The following REC114 variants were observed in gnomAD, a reference collection of about 807,000 sequenced individuals.
REC114 encodes meiotic recombination protein REC114.
A neutral mutation model predicts 31.3 loss-of-function variants in REC114; 27 were observed. The ratio of observed to expected loss-of-function variants is 0.86; its 90% confidence interval spans 0.64 to 1.19. The LOEUF is 1.19. Among genes scored for constraint, REC114 ranks in the 50% most tolerant of loss-of-function variants. REC114 has a pLI of 0.00. For synonymous variants in REC114, 134 were observed against 127.7 expected, an observed-to-expected ratio of 1.05 and a Z score of -0.33; for missense variants, 344 against 326.9, an observed-to-expected ratio of 1.05 and a Z score of -0.40.
chr15:73,519,129 C>A (rs1893902305), intron 2 of REC114, among the ~76,000 whole-genome samples: 1 of 152,104 alleles, frequency 6.6e-6, no homozygotes. Context: ...TGTTTGTGTC[C>A]CCCTAAAATT....
At position 73,552,067 on chromosome 15, in the gene REC114, C is replaced by T. The variant is rs142411358; in HGVS notation, c.546+917C>T. ...GATGCCTGAATGCCACAAAATTATA[C>T]GTGGATAAAGAGCTATTCAAAAGTG... On this transcript the variant is annotated intron_variant, in intron 4 of 5. Coordinates refer to ENST00000331090, the MANE Select transcript of REC114 (RefSeq NM_001042367.2). Among the ~76,000 whole-genome samples the T allele has an allele frequency of 7.3e-3, 1,110 of 152,224 alleles. 40 individuals carry two copies. The highest frequency in any genetic ancestry group is 0.065 in the Admixed American group (999 of 15,296).
At chr15:73,529,143 AT>A (rs202242039) in intron 2 of REC114, among the ~76,000 whole-genome samples, 45 of 146,156 alleles carry the variant, frequency 3.1e-4, no homozygotes, top group Non-Finnish European at 3.2e-4. Context: ...TATTTATTTT[AT>A]TTTTTTTTTT....
intron 1 of REC114, among the ~76,000 whole-genome samples, chr15:73,461,782 T>C (rs1296234039): frequency 6.6e-6 from 1 of 152,136 alleles, no homozygotes; most frequent in African/African-American, 2.4e-5. Context: ...TTGATGTCAA[T>C]GTTAAGCTAC....
At chr15:73,448,797 T>G (rs1892802847) in intron 1 of REC114, among the ~76,000 whole-genome samples, 1 of 151,720 alleles carries the variant, frequency 6.6e-6, no homozygotes, top group Non-Finnish European at 1.5e-5. Context: ...GCTTCCAGAG[T>G]AAGGAACAGG....
At chr15:73,557,749 G>A (rs751922840) in intron 5 of REC114, among the ~76,000 whole-genome samples, 18 of 152,182 alleles carry the variant, frequency 1.2e-4, no homozygotes, top group Non-Finnish European at 2.2e-4. Context: ...GTTTATTTAC[G>A]TAGTATGGAA....
chr15:73,444,289 C>A, intron 1 of REC114, among the ~76,000 whole-genome samples: 1 of 152,210 alleles, frequency 6.6e-6, no homozygotes, highest in African/African-American at 2.4e-5. Flanking sequence ...GCATGCAATG[C>A]TGTTTAATGG....
chr15:73,538,055 G>A (rs1894182885), intron 2 of REC114, among the ~76,000 whole-genome samples: 1 of 152,112 alleles, frequency 6.6e-6, no homozygotes, highest in Non-Finnish European at 1.5e-5. Flanking sequence ...TGTGGCTGTG[G>A]AGCACTTGAA....
rs200559765 is a variant in REC114, at chr15:73,459,086, TATTA to T, written c.160-14742_160-14739del. 1.1e-3 allele frequency among the ~76,000 whole-genome samples: 175 copies of T among 152,304 alleles called. No homozygotes were observed. The East Asian group carries it at 0.027, about 23-fold the overall frequency. On this transcript the variant is annotated intron_variant, in intron 1 of 5. Transcript: ENST00000331090. ...CACTGCTTGGCAGATGCCCCCAAAATATTAATTGAAGGAATGAAGGCCAGACATT... is the reference window on the plus strand; with the variant it reads ...CACTGCTTGGCAGATGCCCCCAAAATATTGAAGGAATGAAGGCCAGACATT...
rs139693333 is a variant in REC114, at chr15:73,522,252, A to G, written c.250-18233A>G. On this transcript the variant is annotated intron_variant, in intron 2 of 5. Transcript: ENST00000331090. ...TCTCTGCTTTCACATGTATCATACT[A>G]CCTGCTTCTTTACTCAGTAACTTAC... Among the ~76,000 whole-genome samples, 179 of 152,282 alleles carry G rather than the reference A, an allele frequency of 1.2e-3. 1 individual carries two copies. The highest frequency in any genetic ancestry group is 3.5e-3 in the Admixed American group (54 of 15,298).
intron 1 of REC114, among the ~76,000 whole-genome samples, chr15:73,450,051 A>C (rs1892821781): frequency 6.6e-6 from 1 of 152,244 alleles, no homozygotes; most frequent in South Asian, 2.1e-4. Context: ...AATTGTAAAG[A>C]CCATCGATGC....
intron 1 of REC114, among the ~76,000 whole-genome samples, chr15:73,451,427 C>T (rs1297090900): frequency 1.3e-5 from 2 of 152,086 alleles, no homozygotes; most frequent in Admixed American, 6.6e-5. Context: ...CAAGACTAAA[C>T]CAGGAAGAAG....
chr15:73,468,437 A>G lies in REC114; in HGVS notation c.160-5395A>G, dbSNP rs181288930. 1.2e-3 allele frequency among the ~76,000 whole-genome samples: 177 copies of G among 152,254 alleles called. 3 individuals are homozygous for G. Among genetic ancestry groups the G allele is most frequent in the Non-Finnish European group, 1.4e-3 (98 of 68,006 alleles). The stretch of plus-strand genomic sequence containing the variant: ...TTTATTTATTGATCTTCTATTCTGT[A>G]ACCTTTCTAAAATTCACTTATTCTA... On this transcript the variant is annotated intron_variant, in intron 1 of 5. Transcript: ENST00000331090.
chr15:73,487,302 A>T (rs1261443050), intron 2 of REC114, among the ~76,000 whole-genome samples: 1 of 152,226 alleles, frequency 6.6e-6, no homozygotes, highest in Non-Finnish European at 1.5e-5. Flanking sequence ...AAAAGTCTTC[A>T]AAGTCCAGAG....
At chr15:73,485,676 C>T (rs1037105889) in intron 2 of REC114, among the ~76,000 whole-genome samples, 14 of 152,300 alleles carry the variant, frequency 9.2e-5, no homozygotes, top group Admixed American at 3.3e-4. Flanking sequence ...CTTCTTTAAG[C>T]TCCCAGAGGC....
chr15:73,540,516 G>A lies in REC114; in HGVS notation c.281G>A (p.Trp94Ter), dbSNP rs1367996377. 1 of 1,613,924 alleles carries A rather than the reference G, an allele frequency of 6.2e-7. No homozygotes were observed. The highest frequency in any genetic ancestry group is 2.2e-5 in the East Asian group (1 of 44,878). ...TTTTCACTCATTGGTAGCAAGGACT[G>A]GTTGAAGATTGTAAGACGCGTGGAT... ...EGFSLIGSKDWLKIVRRVDCL... is the reference protein window; with the variant it reads ...EGFSLIGSKD The change falls in exon 3 of 6, where the codon TGG (tryptophan) becomes TAG (stop). Residue 94 changes from tryptophan (W) to a stop codon, truncating the protein, a stop_gained. Transcript: ENST00000331090. LOFTEE classifies it high-confidence loss of function.
Position 73,551,100 on chromosome 15 carries a change from A to G in REC114, c.496A>G (p.Thr166Ala). The change falls in exon 4 of 6, where the codon ACT (threonine) becomes GCT (alanine). Residue 166 changes from threonine (T) to alanine (A), a missense_variant. Transcript: ENST00000331090. ...GCTGATTCCTGGCCCACCCAGGGCA[A>G]CTGAAAGTCAAGGGAAGGATTCTGC... Reference protein sequence around the residue: ...LQLIPGPPRATESQGKDSAKS... With the variant: ...LQLIPGPPRAAESQGKDSAKS... 6.2e-7 allele frequency: 1 copy of G among 1,613,232 alleles called. No individual in the cohort carries two copies. The highest frequency in any genetic ancestry group is 8.5e-7 in the Non-Finnish European group (1 of 1,179,574).
In REC114 at chr15:73,543,332, TTTTG is replaced by T. The variant is rs534676650; in HGVS notation, c.333+2776_333+2779del. Among the ~76,000 whole-genome samples, 43 of 152,312 alleles carry T rather than the reference TTTTG, an allele frequency of 2.8e-4. No homozygotes were observed. In the East Asian group the frequency reaches 7.3e-3, roughly 26 times the overall value. On this transcript the variant is annotated intron_variant, in intron 3 of 5. Transcript: ENST00000331090. ...ATTTGCCTGTTATTGTCAATGGTTTTTTTGTTTGTTTGTTTTTGAGACGGAGTTT... is the reference window on the plus strand; with the variant it reads ...ATTTGCCTGTTATTGTCAATGGTTTTTTTGTTTGTTTTTGAGACGGAGTTT...
chr15:73,539,308 T>TG (rs1555404419), intron 2 of REC114, among the ~76,000 whole-genome samples: 1 of 136,954 alleles, frequency 7.3e-6, no homozygotes, highest in East Asian at 2.1e-4. Flanking sequence ...TTTTTTTTTT[T>TG]GAGACGGAAT....
intron 5 of REC114, among the ~76,000 whole-genome samples, chr15:73,556,982 AT>A (rs2141339257): frequency 6.6e-6 from 1 of 151,642 alleles, no homozygotes; most frequent in Non-Finnish European, 1.5e-5. Flanking sequence ...CCCTCACTGC[AT>A]TCCTCATTGC....
Sources: gnomAD v4.1 joint callset for allele counts (sites outside exome capture counted in the v4.1 genomes callset) on GRCh38, gnomAD v4.1.1 for gene constraint, MANE v1.5 for transcripts, NCBI Gene and HGNC (gene_info 2026-07-23, HGNC 2026-07-21) for gene names.